The following SLC39A11 variants were observed in gnomAD, a reference collection of about 807,000 sequenced individuals.
SLC39A11 encodes solute carrier family 39 member 11.
Under a neutral mutation model 36.1 loss-of-function variants are expected in SLC39A11, and 33 were observed. The observed-to-expected ratio is 0.91, with a 90% CI of 0.69 to 1.22. The LOEUF (loss-of-function observed/expected upper bound fraction) is 1.22. Among genes scored for constraint, SLC39A11 ranks in the 50% most tolerant of loss-of-function variants. The pLI is 0.00. For missense variants in SLC39A11, 432 were observed against 430.3 expected (o/e 1.00, Z -0.03); for synonymous variants, 166 against 170.3 (o/e 0.97, Z 0.20).
intron 5 of SLC39A11, among the ~76,000 whole-genome samples, chr17:72,888,954 A>G (rs191663770): frequency 1.8e-3 from 280 of 152,252 alleles, no homozygotes; most frequent in African/African-American, 5.8e-3. Flanking sequence ...GAGTAACTAG[A>G]TACAGTTGCA....
intron 7 of SLC39A11, among the ~76,000 whole-genome samples, chr17:72,729,426 TATATATATATATATATATA>T (rs1567994506): frequency 0.013 from 68 of 5,310 alleles, 5 homozygotes; most frequent in Non-Finnish European, 0.034. Context: ...TATATATATA[TATATATATATATATATATA>T]TATATATATA....
chr17:72,922,049 G>A lies in SLC39A11; in HGVS notation c.430+25703C>T, dbSNP rs565679747. On this transcript the variant is annotated intron_variant, in intron 5 of 9. Transcript: ENST00000255559. ...GAATTCCAAGGTGAGTTCCAACCTA[G>A]GTCTGTCTGAAAGCCTCCACACCAG... 7.7e-4 allele frequency among the ~76,000 whole-genome samples: 117 copies of A among 152,232 alleles called. No individual in the cohort carries two copies. The Middle Eastern group carries it at 0.014, about 18-fold the overall frequency.
At chr17:72,919,917 A>G (rs549891298) in intron 5 of SLC39A11, among the ~76,000 whole-genome samples, 1 of 152,290 alleles carries the variant, frequency 6.6e-6, no homozygotes, top group African/African-American at 2.4e-5. Context: ...ATGAATTTCA[A>G]GGACTTCTTC....
At chr17:72,777,449 T>A (rs2076172221) in intron 6 of SLC39A11, among the ~76,000 whole-genome samples, 1 of 152,180 alleles carries the variant, frequency 6.6e-6, no homozygotes, top group Non-Finnish European at 1.5e-5. Flanking sequence ...GATGAGGTCA[T>A]ACTGGATTAG....
chr17:72,835,723 C>T (rs900717085), intron 6 of SLC39A11, among the ~76,000 whole-genome samples: 1 of 152,078 alleles, frequency 6.6e-6, no homozygotes, highest in Non-Finnish European at 1.5e-5. Flanking sequence ...GGCCTCCCAA[C>T]GATACACTCT....
chr17:72,684,504 A>C (rs62069510), intron 7 of SLC39A11, among the ~76,000 whole-genome samples: 1 of 152,342 alleles, frequency 6.6e-6, no homozygotes, highest in African/African-American at 2.4e-5. Context: ...CACAGTGACC[A>C]AGGATAACGC....
At chr17:72,877,861 C>A (rs2080993487) in intron 5 of SLC39A11, among the ~76,000 whole-genome samples, 2 of 151,366 alleles carry the variant, frequency 1.3e-5, no homozygotes, top group African/African-American at 4.9e-5. Flanking sequence ...GGTACATGTG[C>A]ACAACATGCA....
At chr17:72,845,335 C>A (rs9890473) in intron 6 of SLC39A11, among the ~76,000 whole-genome samples, 1 of 152,184 alleles carries the variant, frequency 6.6e-6, no homozygotes, top group South Asian at 2.1e-4. Flanking sequence ...TGCTGCTCAC[C>A]CTGCTGTGGC....
intron 6 of SLC39A11, chr17:72,821,493 G>C (rs1197170697): frequency 2.8e-5 from 3 of 106,406 alleles, no homozygotes; most frequent in Non-Finnish European, 5.4e-5. Context: ...GCAACAGAGT[G>C]AGACTCTGTC....
At chr17:73,067,773 T>G (rs1380726802) in intron 3 of SLC39A11, 3 of 1,031,716 alleles carry the variant, frequency 2.9e-6, no homozygotes, top group Non-Finnish European at 4.5e-6. Flanking sequence ...ATAGATCACA[T>G]CTGTTAAGTC....
intron 4 of SLC39A11, among the ~76,000 whole-genome samples, chr17:72,977,049 C>A (rs1383939871): frequency 2.6e-5 from 4 of 152,066 alleles, no homozygotes; most frequent in Admixed American, 6.5e-5. Context: ...TCACAGCTTG[C>A]GTTAGGATAA....
At chr17:72,837,461 G>A (rs2078611524) in intron 6 of SLC39A11, among the ~76,000 whole-genome samples, 1 of 151,466 alleles carries the variant, frequency 6.6e-6, no homozygotes, top group Non-Finnish European at 1.5e-5. Flanking sequence ...GGACTCTGCT[G>A]GATGGAATGA....
intron 4 of SLC39A11, among the ~76,000 whole-genome samples, chr17:72,960,025 G>C (rs1034260709): frequency 6.6e-6 from 1 of 152,166 alleles, no homozygotes; most frequent in African/African-American, 2.4e-5. Context: ...GTAAAGAACA[G>C]GGTTTTGTTT....
intron 5 of SLC39A11, among the ~76,000 whole-genome samples, chr17:72,900,406 ATGCAGGATTATGAG>A (rs879380230): frequency 0.2 from 8,416 of 41,644 alleles, 313 homozygotes; most frequent in African/African-American, 0.27. Context: ...GATTATGAGG[ATGCAGGATTATGAG>A]GATGTATGAG....
intron 6 of SLC39A11, among the ~76,000 whole-genome samples, chr17:72,834,597 G>A (rs2078436828): frequency 6.7e-6 from 1 of 148,280 alleles, no homozygotes; most frequent in African/African-American, 2.6e-5. Context: ...ACTCCAGCCT[G>A]GGCCACAGAG....
intron 3 of SLC39A11, among the ~76,000 whole-genome samples, chr17:73,047,990 A>AATATATATATATATATATAT (rs151142811): frequency 5.1e-5 from 3 of 58,694 alleles, no homozygotes. Flanking sequence ...AAAAAAAAAA[A>AATATATATATATATATATAT]ATATATATAT....
chr17:72,769,237 C>T (rs1030215417), intron 6 of SLC39A11, among the ~76,000 whole-genome samples: 7 of 152,218 alleles, frequency 4.6e-5, no homozygotes, highest in Non-Finnish European at 1.0e-4. Context: ...GTTAACAGCC[C>T]TTTACCCTTC....
At chr17:72,962,244 A>G (rs1390507088) in intron 4 of SLC39A11, among the ~76,000 whole-genome samples, 1 of 152,140 alleles carries the variant, frequency 6.6e-6, no homozygotes, top group African/African-American at 2.4e-5. Context: ...AAGAATTACC[A>G]CAAGTCCAGA....
At chr17:72,949,681 C>T (rs751090363) in intron 4 of SLC39A11, among the ~76,000 whole-genome samples, 3 of 151,734 alleles carry the variant, frequency 2.0e-5, no homozygotes, top group Non-Finnish European at 2.9e-5. Context: ...CCAAAGGTCC[C>T]ACCTCCTAAT....
Sources: allele counts gnomAD v4.1 joint callset (sites outside exome capture counted in the v4.1 genomes callset), GRCh38; gene constraint gnomAD v4.1.1; transcripts MANE v1.5; gene names NCBI Gene and HGNC (gene_info 2026-07-23, HGNC 2026-07-21).